Variants in EDAR observed in about 807,000 individuals in gnomAD.
EDAR encodes the protein ectodysplasin A receptor.
A neutral mutation model predicts 51.3 loss-of-function variants in EDAR; 38 were observed. The ratio of observed to expected loss-of-function variants is 0.74; its 90% CI spans 0.57 to 0.97. The LOEUF is 0.97. Ranked by LOEUF, EDAR falls within the 50% of genes least tolerant of loss-of-function variation. EDAR has a pLI of 0.00. For missense variants in EDAR, 528 were observed against 595.0 expected (o/e 0.89, Z 1.17); for synonymous variants, 227 against 242.1 (o/e 0.94, Z 0.58).
intron 1 of EDAR, among the ~76,000 whole-genome samples, chr2:108,974,317 G>C (rs187701348): frequency 8.6e-6 from 1 of 116,588 alleles, no homozygotes; most frequent in Non-Finnish European, 1.7e-5. Flanking sequence ...GAGACAGAGC[G>C]AGGATCCGTC....
chr2:108,962,251 A>C (rs1439930027), intron 1 of EDAR, among the ~76,000 whole-genome samples: 1 of 152,216 alleles, frequency 6.6e-6, no homozygotes, highest in African/African-American at 2.4e-5. Context: ...CATGTGAACC[A>C]ACGTTCATTC....
At chr2:108,907,497 A>C (rs1696832609) in intron 10 of EDAR, among the ~76,000 whole-genome samples, 1 of 152,054 alleles carries the variant, frequency 6.6e-6, no homozygotes, top group Non-Finnish European at 1.5e-5. Context: ...ATATAAAAAA[A>C]ATTAGCTGGG....
At chr2:108,976,066 C>T (rs1409643330) in intron 1 of EDAR, among the ~76,000 whole-genome samples, 1 of 152,176 alleles carries the variant, frequency 6.6e-6, no homozygotes, top group Non-Finnish European at 1.5e-5. Context: ...AATACTGGTG[C>T]AATACTGGTG....
chr2:108,910,567 T>C, intron 8 of EDAR, 35 bp from the exon 9 acceptor site: 1 of 1,574,562 alleles, frequency 6.4e-7, no homozygotes, highest in Non-Finnish European at 8.7e-7. Flanking sequence ...GAGATAGGAG[T>C]TAGAATTGGC....
intron 4 of EDAR, among the ~76,000 whole-genome samples, chr2:108,926,593 G>A (rs538714897): frequency 1.4e-4 from 22 of 152,308 alleles, no homozygotes; most frequent in East Asian, 9.6e-4. Flanking sequence ...GAGCTCCTCC[G>A]GGGTGAGGCC....
intron 10 of EDAR, among the ~76,000 whole-genome samples, chr2:108,906,946 G>A (rs1399117618): frequency 6.6e-6 from 1 of 152,200 alleles, no homozygotes; most frequent in African/African-American, 2.4e-5. Context: ...GATCCCAACT[G>A]GGCATTTTTG....
chr2:108,929,562 C>A (rs1362725156), intron 3 of EDAR, among the ~76,000 whole-genome samples, 183 bp from the exon 4 acceptor site: 2 of 152,206 alleles, frequency 1.3e-5, no homozygotes, highest in Non-Finnish European at 2.9e-5. Flanking sequence ...TCTGGGCTTG[C>A]CCCTCTCCTC....
At chr2:108,941,519 C>G (rs1202138469) in intron 1 of EDAR, among the ~76,000 whole-genome samples, 4 of 152,182 alleles carry the variant, frequency 2.6e-5, no homozygotes, top group Non-Finnish European at 4.4e-5. Flanking sequence ...TCCTGACCAG[C>G]TGGCAGCTGC....
intron 1 of EDAR, among the ~76,000 whole-genome samples, chr2:108,964,760 G>A (rs1698117654): frequency 6.6e-6 from 1 of 152,192 alleles, no homozygotes; most frequent in Admixed American, 6.5e-5. Context: ...GTGACAGCAG[G>A]CAGCAGCCCT....
At chr2:108,969,177 G>C (rs1378743316) in intron 1 of EDAR, among the ~76,000 whole-genome samples, 2 of 151,956 alleles carry the variant, frequency 1.3e-5, no homozygotes, top group Non-Finnish European at 1.5e-5. Flanking sequence ...GGCTGGTCTT[G>C]ATCTCTAGCA....
chr2:108,977,498 C>A (rs1698344643), intron 1 of EDAR, among the ~76,000 whole-genome samples: 1 of 152,170 alleles, frequency 6.6e-6, no homozygotes, highest in Admixed American at 6.5e-5. Flanking sequence ...TCTCGATCTC[C>A]TGACCTCGTG....
chr2:108,937,202 C>G (rs1024972362), intron 1 of EDAR, among the ~76,000 whole-genome samples: 2 of 152,226 alleles, frequency 1.3e-5, no homozygotes, highest in African/African-American at 4.8e-5. Flanking sequence ...AGCCACTCTT[C>G]TTTATCACTG....
At chr2:108,958,704 T>C (rs1485497438) in intron 1 of EDAR, among the ~76,000 whole-genome samples, 1 of 152,202 alleles carries the variant, frequency 6.6e-6, no homozygotes, top group Non-Finnish European at 1.5e-5. Context: ...GTGACTTCTG[T>C]TGGAACACCC....
rs566175628 is a variant in EDAR at position 108,965,310 on chromosome 2, T to C, written c.-19+23650A>G. ...GGCTAACATGGTGAAACCCCATCTC[T>C]ACTAAAAATACAAAAACAAAATTAG... On this transcript the variant is annotated intron_variant, in intron 1 of 11. Transcript: ENST00000258443. 7.3e-4 allele frequency among the ~76,000 whole-genome samples: 111 copies of C among 152,160 alleles called. 1 individual carries two copies. The highest frequency in any genetic ancestry group is 2.6e-3 in the African/African-American group (109 of 41,522).
At chr2:108,985,479 C>T (rs1698482139) in intron 1 of EDAR, among the ~76,000 whole-genome samples, 1 of 152,202 alleles carries the variant, frequency 6.6e-6, no homozygotes, top group Non-Finnish European at 1.5e-5. Flanking sequence ...TCCTTACGGC[C>T]CACCTGTTTT....
intron 1 of EDAR, among the ~76,000 whole-genome samples, chr2:108,988,410 A>G (rs2104500142): frequency 6.6e-6 from 1 of 152,100 alleles, no homozygotes; most frequent in Admixed American, 6.5e-5. Flanking sequence ...CTCAATCATC[A>G]CAAATAGGTA....
chr2:108,920,545 G>T lies in EDAR; in HGVS notation c.442+2823C>A, dbSNP rs536886848. 1.2e-4 allele frequency among the ~76,000 whole-genome samples: 18 copies of T among 152,224 alleles called. No individual in the cohort carries two copies. In the South Asian group the frequency reaches 1.5e-3, roughly 12 times the overall value. On this transcript the variant is annotated intron_variant, in intron 5 of 11. Coordinates refer to ENST00000258443, the MANE Select transcript of EDAR (RefSeq NM_022336.4). ...TTTCATCTCTTTTCACCGGGCTACA[G>T]GGCTCCACAGTATTGCAGTCACTGA... is the stretch of plus-strand genomic sequence containing the variant.
rs564082530 is a variant in EDAR at position 108,926,591 on chromosome 2, C to T, written c.356+2607G>A. Among the ~76,000 whole-genome samples the T allele has an allele frequency of 4.6e-5, 7 of 152,328 alleles. No individual in the cohort carries two copies. The East Asian group carries it at 1.4e-3, about 29-fold the overall frequency. ...AGAATCGCGGGGTGGTGGAGCTCCT[C>T]CGGGGTGAGGCCTGGAGAGGTGAGG... On this transcript the variant is annotated intron_variant, in intron 4 of 11. Transcript: ENST00000258443.
rs558362478 is a variant in EDAR, at chr2:108,913,098, A to G, written c.443-334T>C. ...CAAGTAACTGGGACTACAGGCACCC[A>G]CCACCACACCTGGCTAATTTTTTTG... On this transcript the variant is annotated intron_variant, in intron 5 of 11. Transcript: ENST00000258443. Among the ~76,000 whole-genome samples, 674 of 151,850 alleles carry G rather than the reference A, an allele frequency of 4.4e-3. 10 individuals are homozygous for G. The highest frequency in any genetic ancestry group is 5.8e-3 in the Admixed American group (89 of 15,244).
Sources: allele counts gnomAD v4.1 joint callset (sites outside exome capture counted in the v4.1 genomes callset), GRCh38; gene constraint gnomAD v4.1.1; transcripts MANE v1.5; gene names NCBI Gene and HGNC (gene_info 2026-07-23, HGNC 2026-07-21).